DLGAP2: variants seen among roughly 807,000 people sequenced by gnomAD.
DLGAP2 encodes the protein DLG associated protein 2, also known as disks large-associated protein 2.
In DLGAP2, 26 loss-of-function variants were observed where a neutral mutation model predicts 100.3. The ratio of observed to expected loss-of-function variants is 0.26; its 90% confidence interval spans 0.19 to 0.36. The LOEUF is 0.36. Among genes scored for constraint, DLGAP2 ranks in the 10% least tolerant of loss-of-function variants. The pLI is 1.00. For synonymous variants in DLGAP2, 886 were observed against 630.1 expected (o/e 1.41, Z -6.08); for missense variants, 1,858 against 1,453.2 (o/e 1.28, Z -4.53).
chr8:1,574,989 C>T (rs141712504), intron 6 of DLGAP2, among the ~76,000 whole-genome samples: 5 of 152,186 alleles, frequency 3.3e-5, no homozygotes, highest in African/African-American at 9.7e-5. Flanking sequence ...CAAACACACA[C>T]GTGTGCACAC....
At chr8:1,425,641 A>G (rs1255648428) in intron 3 of DLGAP2, among the ~76,000 whole-genome samples, 1 of 152,218 alleles carries the variant, frequency 6.6e-6, no homozygotes, top group African/African-American at 2.4e-5. Context: ...CCACAAGCCT[A>G]GAGCTGTCAT....
chr8:1,387,297 G>T (rs1323370871), intron 3 of DLGAP2, among the ~76,000 whole-genome samples: 1 of 152,188 alleles, frequency 6.6e-6, no homozygotes, highest in Non-Finnish European at 1.5e-5. Context: ...TTGTAAAAGT[G>T]TATACATGAA....
intron 2 of DLGAP2, among the ~76,000 whole-genome samples, chr8:1,227,538 G>T (rs1285079030): frequency 6.6e-6 from 1 of 151,048 alleles, no homozygotes; most frequent in African/African-American, 2.4e-5. Flanking sequence ...CTGTCGCCCA[G>T]ACTGGAGTGC....
chr8:1,628,787 C>T (rs572805210), intron 7 of DLGAP2, among the ~76,000 whole-genome samples: 6 of 152,132 alleles, frequency 3.9e-5, no homozygotes, highest in Non-Finnish European at 7.4e-5. Context: ...AGCCTGAGCG[C>T]AGGGATTAAG....
chr8:1,180,335 C>T (rs1797353173), intron 2 of DLGAP2, among the ~76,000 whole-genome samples: 1 of 152,196 alleles, frequency 6.6e-6, no homozygotes, highest in Non-Finnish European at 1.5e-5. Context: ...CCAGTTACAC[C>T]CTGGCCACCA....
chr8:1,543,318 T>C (rs1392533315), intron 4 of DLGAP2, among the ~76,000 whole-genome samples: 1 of 152,282 alleles, frequency 6.6e-6, no homozygotes, highest in Admixed American at 6.5e-5. Flanking sequence ...AATAGCTTTA[T>C]AGTTTGAGCC....
At chr8:1,333,540 G>A (rs530101207) in intron 3 of DLGAP2, among the ~76,000 whole-genome samples, 1 of 152,154 alleles carries the variant, frequency 6.6e-6, no homozygotes, top group Admixed American at 6.5e-5. Flanking sequence ...CGTGAGTCCT[G>A]TGTGCAGGGT....
chr8:941,986 CTCTT>C (rs750282928), intron 2 of DLGAP2, among the ~76,000 whole-genome samples: 32 of 152,132 alleles, frequency 2.1e-4, no homozygotes, highest in Non-Finnish European at 4.1e-4. Context: ...TTTGTTGTCT[CTCTT>C]TAAAAAATGG....
intron 1 of DLGAP2, among the ~76,000 whole-genome samples, chr8:894,266 G>A (rs190878647): frequency 5.9e-5 from 9 of 152,254 alleles, no homozygotes; most frequent in African/African-American, 1.9e-4. Flanking sequence ...AGACTTGGAG[G>A]TTGTCACTCC....
At chr8:942,924 T>A (rs1360006944) in intron 2 of DLGAP2, among the ~76,000 whole-genome samples, 1 of 152,226 alleles carries the variant, frequency 6.6e-6, no homozygotes, top group African/African-American at 2.4e-5. Flanking sequence ...CGGGCATGTT[T>A]GCCTCTCCAG....
At chr8:841,184 A>G (rs974119365) in intron 1 of DLGAP2, among the ~76,000 whole-genome samples, 2 of 152,210 alleles carry the variant, frequency 1.3e-5, no homozygotes, top group Non-Finnish European at 2.9e-5. Flanking sequence ...CTTCCCCTGA[A>G]TTTAAAAGTT....
chr8:1,177,503 A>G (rs976393939), intron 2 of DLGAP2, among the ~76,000 whole-genome samples: 2 of 152,080 alleles, frequency 1.3e-5, no homozygotes, highest in Admixed American at 6.5e-5. Context: ...GATGTCAGAT[A>G]TTAGCACCAT....
chr8:1,477,224 C>T (rs1007633916), intron 3 of DLGAP2, among the ~76,000 whole-genome samples: 2 of 152,220 alleles, frequency 1.3e-5, no homozygotes, highest in Non-Finnish European at 2.9e-5. Flanking sequence ...AGATCCCACC[C>T]ACCCTCTTTG....
chr8:1,309,972 G>C (rs1800577082), intron 3 of DLGAP2, among the ~76,000 whole-genome samples: 1 of 150,040 alleles, frequency 6.7e-6, no homozygotes, highest in South Asian at 2.1e-4. Flanking sequence ...TTGGTTGCCT[G>C]TAATCCCAGC....
At chr8:1,433,072 A>T (rs1351973815) in intron 3 of DLGAP2, among the ~76,000 whole-genome samples, 10 of 152,278 alleles carry the variant, frequency 6.6e-5, no homozygotes, top group Admixed American at 4.6e-4. Context: ...CACTTAACAT[A>T]GGCTTTGGGA....
intron 3 of DLGAP2, among the ~76,000 whole-genome samples, chr8:1,310,711 G>T (rs1453242539): frequency 1.3e-5 from 2 of 152,100 alleles, no homozygotes; most frequent in African/African-American, 4.8e-5. Flanking sequence ...AGGCTGGAGT[G>T]CAGTAGTGCA....
chr8:1,665,198 C>A (rs903890488), intron 8 of DLGAP2, among the ~76,000 whole-genome samples: 14 of 151,962 alleles, frequency 9.2e-5, no homozygotes, highest in Non-Finnish European at 1.5e-4. Flanking sequence ...GGAAGGTTTA[C>A]TTGTTTTGTG....
chr8:943,368 T>TTTA (rs1418472857), intron 2 of DLGAP2, among the ~76,000 whole-genome samples: 1 of 152,258 alleles, frequency 6.6e-6, no homozygotes, highest in African/African-American at 2.4e-5. Context: ...AGTGTGTATT[T>TTTA]TTATGCACCG....
At chr8:1,518,170 C>G (rs1800460071) in intron 4 of DLGAP2, among the ~76,000 whole-genome samples, 1 of 152,310 alleles carries the variant, frequency 6.6e-6, no homozygotes, top group South Asian at 2.1e-4. Flanking sequence ...TGTGACTTGT[C>G]CGTACCATTT....
Sources: allele counts gnomAD v4.1 joint callset (sites outside exome capture counted in the v4.1 genomes callset), GRCh38; gene constraint gnomAD v4.1.1; transcripts MANE v1.5; gene names NCBI Gene and HGNC (gene_info 2026-07-23, HGNC 2026-07-21).